Variants in CRY1 observed in about 807,000 individuals in gnomAD.
CRY1 encodes the protein cryptochrome circadian regulator 1.
Under a neutral mutation model 76.0 loss-of-function variants are expected in CRY1, and 45 were observed. That is an observed-to-expected ratio of 0.59 (90% confidence interval 0.47 to 0.76). The LOEUF (loss-of-function observed/expected upper bound fraction) is 0.76. Ranked by LOEUF, CRY1 falls within the 30% of genes least tolerant of loss-of-function variation. CRY1 has a pLI of 0.00. For missense variants in CRY1, 587 were observed against 716.4 expected (o/e 0.82, Z 2.06); for synonymous variants, 248 against 244.0 (o/e 1.02, Z -0.15).
intron 1 of CRY1, among the ~76,000 whole-genome samples, chr12:107,056,466 A>C (rs2136879975): frequency 6.6e-6 from 1 of 152,334 alleles, no homozygotes; most frequent in East Asian, 1.9e-4. Flanking sequence ...CAAATTCTAG[A>C]GCAAGCTTGC....
intron 1 of CRY1, among the ~76,000 whole-genome samples, chr12:107,059,436 A>G (rs1953023941): frequency 1.3e-5 from 2 of 151,888 alleles, no homozygotes; most frequent in African/African-American, 4.8e-5. Context: ...TTTTTTTAGT[A>G]GAGATGAAGT....
chr12:107,062,062 A>G (rs1334795144), intron 1 of CRY1, among the ~76,000 whole-genome samples: 1 of 151,446 alleles, frequency 6.6e-6, no homozygotes, highest in Admixed American at 6.6e-5. Flanking sequence ...AGAAAAAAAA[A>G]AAGAAAAGAA....
At chr12:107,075,030 A>T (rs540987737) in intron 1 of CRY1, among the ~76,000 whole-genome samples, 20 of 151,778 alleles carry the variant, frequency 1.3e-4, no homozygotes, top group Non-Finnish European at 2.9e-4. Flanking sequence ...AAAAAACAAC[A>T]AAAAACAAAA....
At chr12:107,009,920 C>G (rs556888520) in intron 2 of CRY1, among the ~76,000 whole-genome samples, 1 of 151,912 alleles carries the variant, frequency 6.6e-6, no homozygotes, top group South Asian at 2.1e-4. Flanking sequence ...GGGAAGTAAT[C>G]TCAATCTTGT....
chr12:107,018,541 A>G (rs1251700900), intron 2 of CRY1, among the ~76,000 whole-genome samples: 2 of 152,298 alleles, frequency 1.3e-5, no homozygotes, highest in African/African-American at 4.8e-5. Context: ...GAGCCAAGAC[A>G]GCACTACTGC....
chr12:107,093,140 C>G lies in CRY1; in HGVS notation c.-179G>C, dbSNP rs1377110926. ...CCGGAGAAGGCGGGGGCGCCGGAGG[C>G]GCAGTGGAAAGATGAATGGAGGTTG... On this transcript the variant is annotated 5_prime_UTR_variant, in exon 1 of 13. Transcript: ENST00000008527. 6 of 698,502 alleles carry G rather than the reference C, an allele frequency of 8.6e-6. No individual in the cohort carries two copies. The Admixed American group carries it at 1.0e-4, about 12-fold the overall frequency. 43.3% of individuals were successfully genotyped at this position (698,502 alleles called of 1,614,324 possible). A position where few individuals can be genotyped will look rare whatever the true frequency, so the allele number is the denominator to read the frequency against.
At position 107,000,507 on chromosome 12, in the gene CRY1, G is replaced by A. The variant is rs553666707; in HGVS notation, c.685-425C>T. On this transcript the variant is annotated intron_variant, in intron 5 of 12. Coordinates refer to ENST00000008527, the MANE Select transcript of CRY1 (RefSeq NM_004075.5). The stretch of plus-strand genomic sequence containing the variant: ...TGCGACTACAGGCATGCGCCACCAC[G>A]CCCGGCTAATTTTTGTATTTTTAGT... Among the ~76,000 whole-genome samples, 6 of 151,956 alleles carry A rather than the reference G, an allele frequency of 3.9e-5. No individual in the cohort carries two copies. In the South Asian group the frequency reaches 6.2e-4, roughly 16 times the overall value.
At chr12:107,009,119 CATTTGTTAAGAT>C in intron 2 of CRY1, among the ~76,000 whole-genome samples, 1 of 152,254 alleles carries the variant, frequency 6.6e-6, no homozygotes, top group East Asian at 1.9e-4. Context: ...GCGTTCTCTT[CATTTGTTAAGAT>C]AATTTCTCTT....
intron 1 of CRY1, among the ~76,000 whole-genome samples, chr12:107,042,459 C>G (rs1054753486): frequency 1.3e-5 from 2 of 152,020 alleles, no homozygotes; most frequent in African/African-American, 4.8e-5. Flanking sequence ...ACCACATATC[C>G]CCTGATATAA....
At chr12:107,034,402 T>C (rs1952711091) in intron 1 of CRY1, among the ~76,000 whole-genome samples, 1 of 152,150 alleles carries the variant, frequency 6.6e-6, no homozygotes, top group East Asian at 1.9e-4. Context: ...TGACTGAGTA[T>C]ACTCAGTCAA....
At chr12:107,043,686 G>A (rs901498711) in intron 1 of CRY1, among the ~76,000 whole-genome samples, 1 of 152,138 alleles carries the variant, frequency 6.6e-6, no homozygotes, top group Non-Finnish European at 1.5e-5. Flanking sequence ...TCCCTTGATG[G>A]TGGGGTCAGA....
intron 2 of CRY1, among the ~76,000 whole-genome samples, chr12:107,005,756 G>A (rs1250302308): frequency 2.0e-5 from 3 of 151,378 alleles, no homozygotes; most frequent in East Asian, 1.9e-4. Flanking sequence ...GGCTGAGGTC[G>A]TGTGTGTGTG....
intron 1 of CRY1, among the ~76,000 whole-genome samples, chr12:107,030,105 C>G (rs1952659504): frequency 6.6e-6 from 1 of 152,066 alleles, no homozygotes; most frequent in Admixed American, 6.6e-5. Context: ...TGACATATAG[C>G]AGGAGTTCAA....
intron 1 of CRY1, chr12:107,073,178 C>T (rs951706798): frequency 6.6e-6 from 1 of 151,832 alleles, no homozygotes; most frequent in African/African-American, 2.4e-5. Context: ...TGATATAAAC[C>T]ATAAAAGTTT....
At chr12:107,070,702 A>C (rs568855725) in intron 1 of CRY1, among the ~76,000 whole-genome samples, 44 of 148,160 alleles carry the variant, frequency 3.0e-4, no homozygotes, top group African/African-American at 1.0e-3. Context: ...TTATTTATTT[A>C]TTTATTTATT....
At chr12:107,081,462 A>T (rs1953324382) in intron 1 of CRY1, among the ~76,000 whole-genome samples, 1 of 151,996 alleles carries the variant, frequency 6.6e-6, no homozygotes, top group Non-Finnish European at 1.5e-5. Flanking sequence ...CTGTTCTCAC[A>T]TTCTGCTTTA....
rs8192440 is a variant in CRY1, at chr12:107,001,328, A to G, written c.636T>C (p.Gly212=). ...AACGAGTAAGTGCTTCAGTTTCTCC[A>G]CCTGGCCACACTGCAGAGGATAAGC... ...TDGLSSAVWP[G]GETEALTRLE... Residue 212 remains glycine (G), a synonymous_variant, in exon 5 of 13, where the codon GGT becomes GGC. Coordinates refer to ENST00000008527, the MANE Select transcript of CRY1 (RefSeq NM_004075.5). 1,052,974 of 1,611,886 alleles carry G rather than the reference A, an allele frequency of 0.65. 349,652 individuals carry two copies. Among genetic ancestry groups the G allele is most frequent in the East Asian group, 0.96 (43,019 of 44,854 alleles).
At chr12:107,057,767 A>C (rs1270119979) in intron 1 of CRY1, among the ~76,000 whole-genome samples, 1 of 151,524 alleles carries the variant, frequency 6.6e-6, no homozygotes, top group Non-Finnish European at 1.5e-5. Flanking sequence ...AATAAGAATG[A>C]GTTAATTAAG....
intron 1 of CRY1, among the ~76,000 whole-genome samples, chr12:107,069,613 A>ATAAAGTATATATAT (rs1953157917): frequency 1.3e-5 from 1 of 75,326 alleles, no homozygotes; most frequent in Admixed American, 2.0e-4. Flanking sequence ...TATATATATA[A>ATAAAGTATATATAT]AAAGTATATA....
Sources: allele counts gnomAD v4.1 joint callset (sites outside exome capture counted in the v4.1 genomes callset), GRCh38; gene constraint gnomAD v4.1.1; transcripts MANE v1.5; gene names NCBI Gene and HGNC (gene_info 2026-07-23, HGNC 2026-07-21).